Variants in ERBB4 observed in about 807,000 individuals in gnomAD.
The protein encoded by ERBB4 is receptor tyrosine-protein kinase erbB-4.
Under a neutral mutation model 158.0 loss-of-function variants are expected in ERBB4, and 42 were observed. The ratio of observed to expected loss-of-function variants is 0.27; its 90% CI spans 0.21 to 0.34. ERBB4 has a LOEUF of 0.34. Ranked by LOEUF, ERBB4 falls within the 10% of genes least tolerant of loss-of-function variation. The pLI is 1.00. For missense variants in ERBB4, 1,333 were observed against 1,624.1 expected (o/e 0.82, Z 3.08); for synonymous variants, 583 against 558.7 (o/e 1.04, Z -0.61).
intron 20 of ERBB4, among the ~76,000 whole-genome samples, chr2:211,559,673 A>T (rs1223976278): frequency 1.3e-5 from 2 of 152,192 alleles, no homozygotes; most frequent in Non-Finnish European, 2.9e-5. Flanking sequence ...CACTGTATTC[A>T]ATCCTATAGT....
chr2:212,164,882 T>C (rs1278646472), intron 1 of ERBB4, among the ~76,000 whole-genome samples: 4 of 152,084 alleles, frequency 2.6e-5, no homozygotes, highest in African/African-American at 9.7e-5. Flanking sequence ...CTTGAGTGTG[T>C]ATACTATTAT....
intron 9 of ERBB4, among the ~76,000 whole-genome samples, chr2:211,705,700 GT>G: frequency 6.6e-6 from 1 of 152,148 alleles, no homozygotes; most frequent in African/African-American, 2.4e-5. Flanking sequence ...ACATTATTTT[GT>G]TTTAAAAGTT....
intron 25 of ERBB4, 146 bp downstream of exon 25, chr2:211,420,295 C>T (rs1443554761): frequency 4.6e-6 from 3 of 647,436 alleles, no homozygotes; most frequent in Admixed American, 5.0e-5. Context: ...AAGATTGGCA[C>T]ATCTTTTGTG....
At chr2:211,887,747 T>A (rs1423328282) in intron 3 of ERBB4, among the ~76,000 whole-genome samples, 1 of 152,202 alleles carries the variant, frequency 6.6e-6, no homozygotes, top group Non-Finnish European at 1.5e-5. Context: ...TGCAAAGCTA[T>A]CTACTTGTAG....
chr2:211,783,255 A>C (rs1450715145), intron 4 of ERBB4, among the ~76,000 whole-genome samples: 1 of 152,242 alleles, frequency 6.6e-6, no homozygotes, highest in Non-Finnish European at 1.5e-5. Context: ...TTATCAGCTT[A>C]AGAAGATTTT....
At chr2:211,978,601 T>C (rs1398787382) in intron 2 of ERBB4, among the ~76,000 whole-genome samples, 1 of 152,116 alleles carries the variant, frequency 6.6e-6, no homozygotes, top group Admixed American at 6.5e-5. Context: ...ATTGTCTGAG[T>C]CTTTAAATGA....
Position 211,505,497 on chromosome 2 carries a change from T to TAA in ERBB4, c.2487+56404_2487+56405dup, listed in dbSNP as rs150255724. The stretch of plus-strand genomic sequence containing the variant: ...AATGAAAGAATGATACTCACCATCA[T>TAA]AAAAAAAAAACATGTAAGTAGAAAT... On this transcript the variant is annotated intron_variant, in intron 20 of 27. Transcript: ENST00000342788. Among the ~76,000 whole-genome samples the TAA allele has an allele frequency of 5.6e-3, 824 of 147,670 alleles. 10 individuals carry two copies. The highest frequency in any genetic ancestry group is 0.018 in the African/African-American group (714 of 40,326).
intron 2 of ERBB4, among the ~76,000 whole-genome samples, chr2:212,048,014 C>T (rs2077302184): frequency 6.6e-6 from 1 of 152,014 alleles, no homozygotes; most frequent in African/African-American, 2.4e-5. Flanking sequence ...TCATGAGAGA[C>T]TTCGTTGGGG....
chr2:212,063,594 A>T (rs760281628), intron 2 of ERBB4, among the ~76,000 whole-genome samples: 3 of 152,160 alleles, frequency 2.0e-5, no homozygotes, highest in Non-Finnish European at 4.4e-5. Flanking sequence ...AAAGCATGAT[A>T]GCAAACCCAG....
intron 20 of ERBB4, chr2:211,561,662 T>A: frequency 2.0e-6 from 1 of 505,422 alleles, no homozygotes; most frequent in Non-Finnish European, 3.6e-6. Flanking sequence ...TACCAAGCTA[T>A]TTGTTTTGGC....
chr2:212,328,758 T>G (rs939687143), intron 1 of ERBB4, among the ~76,000 whole-genome samples: 4 of 152,018 alleles, frequency 2.6e-5, no homozygotes, highest in Non-Finnish European at 4.4e-5. Flanking sequence ...TTTTAGGGTA[T>G]AAGAATAATT....
intron 2 of ERBB4, among the ~76,000 whole-genome samples, chr2:211,957,672 G>A (rs140859675): frequency 6.6e-6 from 1 of 152,192 alleles, no homozygotes; most frequent in Non-Finnish European, 1.5e-5. Flanking sequence ...CTGGCTCATA[G>A]CTATCACTCA....
chr2:212,424,174 T>C (rs1376706869), intron 1 of ERBB4, among the ~76,000 whole-genome samples: 2 of 152,086 alleles, frequency 1.3e-5, no homozygotes, highest in Non-Finnish European at 2.9e-5. Flanking sequence ...CATCAAGTCA[T>C]CCTATAATCA....
intron 20 of ERBB4, among the ~76,000 whole-genome samples, chr2:211,475,481 T>C (rs1257792336): frequency 1.3e-5 from 2 of 152,062 alleles, no homozygotes; most frequent in African/African-American, 4.8e-5. Context: ...CTAGTACATG[T>C]AGGAAATAGT....
chr2:211,665,255 G>T (rs569344396), intron 15 of ERBB4, 68 bp downstream of exon 15: 1 of 1,462,846 alleles, frequency 6.8e-7, no homozygotes, highest in East Asian at 2.3e-5. Context: ...TTCAGAGATG[G>T]TACCAGGGAT....
At chr2:211,424,021 T>C in intron 23 of ERBB4, 134 bp downstream of exon 23, 1 of 859,046 alleles carries the variant, frequency 1.2e-6, no homozygotes, top group South Asian at 1.4e-5. Context: ...CAAAGAGGCG[T>C]TCATATGTTC....
At chr2:212,248,552 C>T (rs1185855964) in intron 1 of ERBB4, among the ~76,000 whole-genome samples, 1 of 152,096 alleles carries the variant, frequency 6.6e-6, no homozygotes, top group Non-Finnish European at 1.5e-5. Flanking sequence ...ACCTATGCTG[C>T]CTCAAATTAA....
At chr2:212,184,265 CA>C (rs951498091) in intron 1 of ERBB4, among the ~76,000 whole-genome samples, 1 of 151,978 alleles carries the variant, frequency 6.6e-6, no homozygotes, top group African/African-American at 2.4e-5. Flanking sequence ...TTTTCCCCAC[CA>C]AATCTTAACC....
chr2:212,051,350 G>A (rs914548955), intron 2 of ERBB4, among the ~76,000 whole-genome samples: 1 of 151,940 alleles, frequency 6.6e-6, no homozygotes, highest in African/African-American at 2.4e-5. Flanking sequence ...TTAGATGTGG[G>A]GATTAAAAGT....
Sources: allele counts gnomAD v4.1 joint callset (sites outside exome capture counted in the v4.1 genomes callset), GRCh38; gene constraint gnomAD v4.1.1; transcripts MANE v1.5; gene names NCBI Gene and HGNC (gene_info 2026-07-23, HGNC 2026-07-21).